Variants in GRM8 observed in about 807,000 individuals in gnomAD.
GRM8 encodes the protein metabotropic glutamate receptor 8.
A neutral mutation model predicts 87.2 loss-of-function variants in GRM8; 47 were observed. The observed-to-expected ratio is 0.54, with a 90% CI of 0.43 to 0.69. The LOEUF (loss-of-function observed/expected upper bound fraction) is 0.69. Among genes scored for constraint, GRM8 ranks in the 30% least tolerant of loss-of-function variants. The pLI is 0.00. For missense variants in GRM8, 1,019 were observed against 1,139.2 expected, an observed-to-expected ratio of 0.89 and a Z score of 1.52; for synonymous variants, 396 against 404.5, an observed-to-expected ratio of 0.98 and a Z score of 0.25.
chr7:126,618,300 G>C (rs1249256997), intron 7 of GRM8, among the ~76,000 whole-genome samples: 1 of 152,106 alleles, frequency 6.6e-6, no homozygotes, highest in Non-Finnish European at 1.5e-5. Context: ...TTAATAAATG[G>C]TGCTGGGAAA....
chr7:127,027,512 G>A (rs1027276395), intron 3 of GRM8, among the ~76,000 whole-genome samples: 5 of 152,034 alleles, frequency 3.3e-5, no homozygotes, highest in South Asian at 2.1e-4. Context: ...TTACTTCATC[G>A]ATCAGTGGTT....
At chr7:127,056,105 G>A (rs1355283288) in intron 3 of GRM8, among the ~76,000 whole-genome samples, 3 of 151,146 alleles carry the variant, frequency 2.0e-5, no homozygotes, top group Admixed American at 2.0e-4. Flanking sequence ...CATTCCCCAA[G>A]TTTAAATTAG....
chr7:126,621,750 A>G (rs909968325), intron 7 of GRM8, among the ~76,000 whole-genome samples: 11 of 151,834 alleles, frequency 7.2e-5, no homozygotes, highest in African/African-American at 2.7e-4. Flanking sequence ...AAAATCATTC[A>G]CGCATCTTGA....
At chr7:127,159,896 G>A (rs1215651036) in intron 2 of GRM8, among the ~76,000 whole-genome samples, 3 of 152,168 alleles carry the variant, frequency 2.0e-5, no homozygotes, top group Middle Eastern at 3.4e-3. Flanking sequence ...AAACATGCTC[G>A]CAAAACTGAA....
chr7:126,971,140 C>CACA (rs1228135878), intron 3 of GRM8, among the ~76,000 whole-genome samples: 1 of 125,020 alleles, frequency 8.0e-6, no homozygotes, highest in Non-Finnish European at 1.6e-5. Flanking sequence ...GTAGGGTTGC[C>CACA]ACAAAATTTC....
intron 7 of GRM8, among the ~76,000 whole-genome samples, chr7:126,626,434 C>T (rs1015476770): frequency 2.0e-5 from 3 of 152,054 alleles, no homozygotes; most frequent in African/African-American, 7.2e-5. Flanking sequence ...GGTAGAAATA[C>T]AATTTCACTT....
chr7:126,834,915 A>T (rs58042731), intron 6 of GRM8, among the ~76,000 whole-genome samples: 3,327 of 152,012 alleles, frequency 0.022, 127 homozygotes, highest in African/African-American at 0.076. Flanking sequence ...TCTCTGAAAA[A>T]TAACTAAAAA....
intron 9 of GRM8, among the ~76,000 whole-genome samples, chr7:126,492,937 G>A (rs1808204721): frequency 6.6e-6 from 1 of 151,986 alleles, no homozygotes. Flanking sequence ...TTTTCCTAGG[G>A]TGAATGTAAA....
intron 7 of GRM8, among the ~76,000 whole-genome samples, chr7:126,735,804 G>C (rs1003539454): frequency 4.6e-5 from 7 of 152,014 alleles, no homozygotes; most frequent in Non-Finnish European, 8.8e-5. Flanking sequence ...CAGAATAAAA[G>C]AGACAGATGG....
chr7:127,113,567 G>T (rs1300014845), intron 2 of GRM8, among the ~76,000 whole-genome samples: 3 of 152,094 alleles, frequency 2.0e-5, no homozygotes, highest in African/African-American at 7.2e-5. Context: ...GGTTGGCGGG[G>T]TGGGTTCTTT....
chr7:126,958,301 G>A (rs1206892264), intron 3 of GRM8, among the ~76,000 whole-genome samples: 4 of 152,170 alleles, frequency 2.6e-5, no homozygotes, highest in African/African-American at 7.2e-5. Flanking sequence ...CATTGCAGGC[G>A]GTGAGAAGAG....
chr7:126,686,036 G>A (rs2151350291), intron 7 of GRM8, among the ~76,000 whole-genome samples: 1 of 151,858 alleles, frequency 6.6e-6, no homozygotes. Context: ...AGATGATGGG[G>A]AGATGACCAG....
intron 7 of GRM8, among the ~76,000 whole-genome samples, chr7:126,658,969 G>C (rs1418015837): frequency 6.6e-6 from 1 of 152,076 alleles, no homozygotes; most frequent in Non-Finnish European, 1.5e-5. Flanking sequence ...CATTTATTCA[G>C]TACAGATATA....
intron 9 of GRM8, chr7:126,465,346 T>TACACACACACAC (rs113144201): frequency 2.7e-5 from 4 of 148,870 alleles, no homozygotes; most frequent in Admixed American, 1.4e-4. Context: ...CAGTTTTCGA[T>TACACACACACAC]ACACACACAC....
At chr7:126,440,678 G>C (rs1162498420) in intron 10 of GRM8, among the ~76,000 whole-genome samples, 1 of 152,010 alleles carries the variant, frequency 6.6e-6, no homozygotes, top group Non-Finnish European at 1.5e-5. Flanking sequence ...TGCTGTACAG[G>C]TTTGTAGCTT....
At chr7:126,512,640 T>C (rs1287946382) in intron 9 of GRM8, 2 of 152,166 alleles carry the variant, frequency 1.3e-5, no homozygotes, top group African/African-American at 2.4e-5. Flanking sequence ...TAAGAGGCTT[T>C]GGACATTTCC....
chr7:127,045,287 C>T (rs1586840868), intron 3 of GRM8, among the ~76,000 whole-genome samples: 1 of 148,928 alleles, frequency 6.7e-6, no homozygotes, highest in Admixed American at 6.7e-5. Flanking sequence ...TTCTTTGCCC[C>T]TGTTTTCTAT....
Position 126,645,292 on chromosome 7 carries a change from T to C in GRM8, c.1358-35794A>G, listed in dbSNP as rs1452131006. Reference sequence around the variant, plus strand: ...TGACTTCTCCAATTGCTCCTATAGATAACATCATTATTGTAGAACCTAAGA... The same window carrying C: ...TGACTTCTCCAATTGCTCCTATAGACAACATCATTATTGTAGAACCTAAGA... On this transcript the variant is annotated intron_variant, in intron 7 of 10. Transcript: ENST00000339582. 4.6e-5 allele frequency among the ~76,000 whole-genome samples: 7 copies of C among 152,338 alleles called. No homozygotes were observed. In the South Asian group the frequency reaches 1.2e-3, roughly 27 times the overall value.
At chr7:126,618,015 G>GA (rs1287642591) in intron 7 of GRM8, among the ~76,000 whole-genome samples, 3 of 152,224 alleles carry the variant, frequency 2.0e-5, no homozygotes, top group South Asian at 2.1e-4. Context: ...CACAGAATTG[G>GA]AAAAAACTAC....
Sources: allele counts gnomAD v4.1 joint callset (sites outside exome capture counted in the v4.1 genomes callset), GRCh38; gene constraint gnomAD v4.1.1; transcripts MANE v1.5; gene names NCBI Gene and HGNC (gene_info 2026-07-23, HGNC 2026-07-21).